The following GLT1D1 variants were observed in gnomAD, a reference collection of about 807,000 sequenced individuals.
GLT1D1 encodes glycosyltransferase 1 domain-containing protein 1.
In GLT1D1, 21 loss-of-function variants were observed where a neutral mutation model predicts 28.7. That is an observed-to-expected ratio of 0.73 (90% CI 0.52 to 1.05). The LOEUF (loss-of-function observed/expected upper bound fraction) is 1.05, where lower values mean the gene tolerates loss of function less well. GLT1D1 is among the 50% of genes least tolerant of loss of function. The probability of loss-of-function intolerance (pLI) is 0.00; values close to 1 mark genes in which losing one functional copy is unlikely to be tolerated. For synonymous variants in GLT1D1, 147 were observed against 124.8 expected (o/e 1.18, Z -1.19); for missense variants, 343 against 330.6 (o/e 1.04, Z -0.29).
At chr12:128,947,061 A>T (rs1876198127) in intron 5 of GLT1D1, among the ~76,000 whole-genome samples, 1 of 152,232 alleles carries the variant, frequency 6.6e-6, no homozygotes, top group South Asian at 2.1e-4. Flanking sequence ...AATGGCATGA[A>T]CCTTGTCTCT....
intron 1 of GLT1D1, among the ~76,000 whole-genome samples, chr12:128,854,632 G>T (rs12312389): frequency 0.37 from 55,837 of 151,780 alleles, 10,550 homozygotes; most frequent in South Asian, 0.57. Flanking sequence ...AAGTAGTTGG[G>T]ATTACAGGTG....
intron 7 of GLT1D1, among the ~76,000 whole-genome samples, chr12:128,978,050 G>A (rs568141902): frequency 2.6e-5 from 4 of 152,026 alleles, no homozygotes; most frequent in East Asian, 1.9e-4. Flanking sequence ...CTCCCAAAAT[G>A]CTGGGTTTAC....
chr12:128,962,484 G>A (rs900816664), intron 7 of GLT1D1, among the ~76,000 whole-genome samples: 1 of 152,180 alleles, frequency 6.6e-6, no homozygotes, highest in Non-Finnish European at 1.5e-5. Context: ...AGTGGAGGGA[G>A]TAGAACACAG....
intron 2 of GLT1D1, among the ~76,000 whole-genome samples, chr12:128,886,904 C>A (rs1374470509): frequency 1.3e-5 from 2 of 152,034 alleles, no homozygotes; most frequent in Non-Finnish European, 2.9e-5. Context: ...ACTGGGCGGG[C>A]GTTTCTATGT....
At chr12:128,901,422 T>C (rs1011456556) in intron 4 of GLT1D1, among the ~76,000 whole-genome samples, 1 of 146,598 alleles carries the variant, frequency 6.8e-6, no homozygotes, top group African/African-American at 2.5e-5. Flanking sequence ...GCCTGACCTT[T>C]TCTCTCTCTC....
intron 7 of GLT1D1, among the ~76,000 whole-genome samples, chr12:128,966,569 G>C (rs1048899403): frequency 5.4e-4 from 82 of 152,290 alleles, no homozygotes; most frequent in Non-Finnish European, 5.9e-4. Flanking sequence ...ACTGTAAAAT[G>C]GGGAAGTGAG....
At chr12:128,959,421 C>CGGGGGG (rs1331322937) in intron 7 of GLT1D1, among the ~76,000 whole-genome samples, 30 of 9,934 alleles carry the variant, frequency 3.0e-3, no homozygotes, top group East Asian at 0.019. Flanking sequence ...TGGGGGGGGA[C>CGGGGGG]GGGTGGGGAG....
intron 7 of GLT1D1, among the ~76,000 whole-genome samples, chr12:128,972,173 G>T (rs1367527285): frequency 6.6e-6 from 1 of 152,082 alleles, no homozygotes; most frequent in African/African-American, 2.4e-5. Context: ...TGCTCTAATG[G>T]GCCCCATCAC....
rs1593125788 is a variant in GLT1D1, at chr12:128,915,000, A to G, written c.375+15713A>G. ...TTCTTCAACGCTCTGGTGAGACATG[A>G]GATCTTCTTAGAGGATTTTGATGAA... is the stretch of plus-strand genomic sequence containing the variant. On this transcript the variant is annotated intron_variant, in intron 4 of 7. Transcript: ENST00000281703. 6.5e-7 allele frequency: 1 copy of G among 1,530,990 alleles called. No individual in the cohort carries two copies. Among genetic ancestry groups the G allele is most frequent in the Non-Finnish European group, 8.8e-7 (1 of 1,142,332 alleles). The allele number at this position is 1,530,990 out of a possible 1,614,324, so 94.8% of individuals were successfully genotyped here. A position where few individuals can be genotyped will look rare whatever the true frequency, so the allele number is the denominator to read the frequency against.
Position 128,952,773 on chromosome 12 carries a change from C to CTTTTTT in GLT1D1, c.541-4752_541-4747dup, listed in dbSNP as rs71072430. Among the ~76,000 whole-genome samples, 373 of 58,928 alleles carry CTTTTTT rather than the reference C, an allele frequency of 6.3e-3. 91 individuals carry two copies. The highest frequency in any genetic ancestry group is 0.016 in the African/African-American group (201 of 12,730). 38.7% of individuals were successfully genotyped at this position (58,928 alleles called of 152,430 possible). ...TACAGGTGTGAGCCACCGTGACTGG[C>CTTTTTT]TTTTTTTTTTTTTTTTTTTTTTTTT... On this transcript the variant is annotated intron_variant, in intron 6 of 7. Transcript: ENST00000281703.
intron 4 of GLT1D1, among the ~76,000 whole-genome samples, chr12:128,932,143 G>A (rs1242667852): frequency 1.3e-5 from 2 of 152,166 alleles, no homozygotes. Flanking sequence ...GCTCCTGGCC[G>A]CGATGGAAAG....
At chr12:128,892,724 A>G (rs1869197043) in intron 3 of GLT1D1, among the ~76,000 whole-genome samples, 2 of 152,224 alleles carry the variant, frequency 1.3e-5, no homozygotes, top group South Asian at 4.1e-4. Flanking sequence ...ATGTTTTTAA[A>G]TAGTTATATT....
chr12:128,969,803 A>T (rs1412743675), intron 7 of GLT1D1, among the ~76,000 whole-genome samples: 1 of 152,198 alleles, frequency 6.6e-6, no homozygotes, highest in African/African-American at 2.4e-5. Flanking sequence ...TCTCTGCGTC[A>T]TCCTGACACT....
At chr12:128,944,970 C>A in intron 4 of GLT1D1, 1 of 557,698 alleles carries the variant, frequency 1.8e-6, no homozygotes, top group Non-Finnish European at 3.2e-6. Context: ...CAACAGGCCC[C>A]GGTGTGTGAT....
Position 128,959,462 on chromosome 12 carries a change from G to T in GLT1D1, c.639+1819G>T, listed in dbSNP as rs1326215320. 3.3e-5 allele frequency among the ~76,000 whole-genome samples: 4 copies of T among 122,756 alleles called. 1 individual carries two copies. The South Asian group carries it at 1.3e-3, about 41-fold the overall frequency. 80.5% of individuals were successfully genotyped at this position (122,756 alleles called of 152,430 possible). On this transcript the variant is annotated intron_variant, in intron 7 of 7. Transcript: ENST00000281703. ...AGCGGGGTGGGGAACGGCGGGTGGT[G>T]GGGGGGCAGCAAGGGAGTGGGGGCT...
intron 7 of GLT1D1, among the ~76,000 whole-genome samples, chr12:128,958,268 CAG>C (rs1333897689): frequency 1.3e-5 from 2 of 152,196 alleles, no homozygotes; most frequent in Non-Finnish European, 2.9e-5. Context: ...GTGCCTCCTG[CAG>C]AGAGTGACCC....
At chr12:128,958,430 A>G (rs1289351006) in intron 7 of GLT1D1, among the ~76,000 whole-genome samples, 2 of 152,062 alleles carry the variant, frequency 1.3e-5, no homozygotes, top group East Asian at 1.9e-4. Flanking sequence ...AAACACGGAT[A>G]TTATCAAAAG....
chr12:128,933,948 A>G (rs1010209712), intron 4 of GLT1D1, among the ~76,000 whole-genome samples: 3 of 152,160 alleles, frequency 2.0e-5, no homozygotes, highest in Non-Finnish European at 2.9e-5. Context: ...GGGACACATT[A>G]AAATTCTTAT....
intron 4 of GLT1D1, among the ~76,000 whole-genome samples, chr12:128,939,838 C>CCA (rs1440546154): frequency 1.2e-4 from 5 of 42,036 alleles, no homozygotes; most frequent in Non-Finnish European, 1.7e-4. Context: ...TTGTTAGAAA[C>CCA]CCCCCCCCAC....
Sources: allele counts gnomAD v4.1 joint callset (sites outside exome capture counted in the v4.1 genomes callset), GRCh38; gene constraint gnomAD v4.1.1; transcripts MANE v1.5; gene names NCBI Gene and HGNC (gene_info 2026-07-23, HGNC 2026-07-21).